MLIP: variants seen among roughly 807,000 people sequenced by gnomAD.
MLIP encodes the protein muscular LMNA interacting protein.
MLIP carries 79 observed loss-of-function variants against 84.8 expected under a neutral mutation model. The ratio of observed to expected loss-of-function variants is 0.93; its 90% CI spans 0.78 to 1.12. The LOEUF (loss-of-function observed/expected upper bound fraction) is 1.12, where lower values mean the gene tolerates loss of function less well. Ranked by LOEUF, MLIP falls within the 50% of genes most tolerant of loss-of-function variation. MLIP has a pLI of 0.00. For synonymous variants in MLIP, 504 were observed against 463.0 expected, an observed-to-expected ratio of 1.09 and a Z score of -1.14; for missense variants, 1,257 against 1,160.6, an observed-to-expected ratio of 1.08 and a Z score of -1.21.
intron 9 of MLIP, among the ~76,000 whole-genome samples, chr6:54,179,238 T>C (rs1562022781): frequency 2.6e-5 from 4 of 152,202 alleles, no homozygotes; most frequent in African/African-American, 4.8e-5. Context: ...TTGGTTTTCA[T>C]AGGCATGGAA....
chr6:54,024,756 T>C (rs1386689868), intron 1 of MLIP, among the ~76,000 whole-genome samples: 1 of 152,196 alleles, frequency 6.6e-6, no homozygotes, highest in Non-Finnish European at 1.5e-5. Flanking sequence ...TGGTAGCAAG[T>C]CTATAATTAT....
At chr6:54,250,256 T>C (rs12206177) in intron 12 of MLIP, among the ~76,000 whole-genome samples, 16,867 of 152,030 alleles carry the variant, frequency 0.11, 1,057 homozygotes, top group Non-Finnish European at 0.13. Flanking sequence ...TTATACACTG[T>C]TGGTGGGAGT....
intron 5 of MLIP, among the ~76,000 whole-genome samples, chr6:54,151,987 C>A (rs1773496634): frequency 6.6e-6 from 1 of 151,998 alleles, no homozygotes; most frequent in Admixed American, 6.6e-5. Flanking sequence ...TACTTCTGTT[C>A]TGTAATTTAT....
chr6:54,052,937 G>T (rs905986593), intron 1 of MLIP, among the ~76,000 whole-genome samples: 3 of 152,120 alleles, frequency 2.0e-5, no homozygotes, highest in African/African-American at 7.2e-5. Context: ...TTGTAAGAGG[G>T]AGATATGTGG....
rs566554353 is a variant in MLIP at position 54,161,877 on chromosome 6, ATATAT to A, written c.2499+1084_2499+1088del. Among the ~76,000 whole-genome samples, 1,004 of 152,038 alleles carry A rather than the reference ATATAT, an allele frequency of 6.6e-3. 8 individuals carry two copies. The highest frequency in any genetic ancestry group is 0.012 in the Admixed American group (181 of 15,218). On this transcript the variant is annotated intron_variant, in intron 8 of 13. Coordinates refer to ENST00000502396, the MANE Select transcript of MLIP (RefSeq NM_001281747.2). ...TTAATCTAAAACTTTGATTTGTCAA[ATATAT>A]TATATCAATTTTAAAATATATTTTT...
chr6:54,214,908 T>C lies in MLIP; in HGVS notation c.2718+12675T>C, dbSNP rs1028433240. Among the ~76,000 whole-genome samples, 4 of 152,186 alleles carry C rather than the reference T, an allele frequency of 2.6e-5. No homozygotes were observed. The South Asian group carries it at 8.3e-4, about 32-fold the overall frequency. ...GTGTTGCTACTTCTCTGTCTACTTA[T>C]CCCCCTTTCCTCTACACTTAATATT... On this transcript the variant is annotated intron_variant, in intron 11 of 13. Coordinates refer to ENST00000502396, the MANE Select transcript of MLIP (RefSeq NM_001281747.2).
intron 1 of MLIP, among the ~76,000 whole-genome samples, chr6:54,084,546 T>C (rs750309383): frequency 6.6e-6 from 1 of 152,178 alleles, no homozygotes; most frequent in Non-Finnish European, 1.5e-5. Flanking sequence ...GTGACTTAAT[T>C]GCTTTTCTAT....
At chr6:54,069,922 C>G (rs1468677852) in intron 1 of MLIP, among the ~76,000 whole-genome samples, 3 of 71,318 alleles carry the variant, frequency 4.2e-5, no homozygotes, top group African/African-American at 8.7e-5. Context: ...TGTAAAGTTA[C>G]AGTGAAAACA....
intron 1 of MLIP, among the ~76,000 whole-genome samples, chr6:54,061,467 A>C (rs1039037036): frequency 1.3e-5 from 2 of 152,206 alleles, no homozygotes; most frequent in African/African-American, 2.4e-5. Flanking sequence ...ATGCAGTAGT[A>C]TATGCCCTTC....
At chr6:54,157,752 T>C (rs1774184270) in intron 5 of MLIP, among the ~76,000 whole-genome samples, 1 of 152,114 alleles carries the variant, frequency 6.6e-6, no homozygotes, top group Non-Finnish European at 1.5e-5. Context: ...TTAAACCATC[T>C]GAACACCAGT....
At chr6:54,237,865 CAAAAT>C (rs1197974382) in intron 12 of MLIP, among the ~76,000 whole-genome samples, 1 of 151,848 alleles carries the variant, frequency 6.6e-6, no homozygotes, top group Non-Finnish European at 1.5e-5. Flanking sequence ...CAAACAAAAA[CAAAAT>C]AAAAGTCTTC....
intron 1 of MLIP, among the ~76,000 whole-genome samples, chr6:54,089,682 A>T (rs1256668249): frequency 1.3e-5 from 2 of 152,190 alleles, no homozygotes; most frequent in Non-Finnish European, 2.9e-5. Flanking sequence ...TGCCAAATAT[A>T]CGTGAAGAAT....
chr6:54,091,296 T>C (rs1767858308), intron 1 of MLIP, among the ~76,000 whole-genome samples: 1 of 152,158 alleles, frequency 6.6e-6, no homozygotes, highest in South Asian at 2.1e-4. Flanking sequence ...GCACCTTCCA[T>C]TCATAAAATT....
intron 9 of MLIP, among the ~76,000 whole-genome samples, chr6:54,189,024 T>TA (rs1301900585): frequency 1.3e-5 from 2 of 152,094 alleles, no homozygotes; most frequent in African/African-American, 2.4e-5. Flanking sequence ...GAGAACATGA[T>TA]AAAAACATTT....
chr6:54,108,961 C>A (rs1245235196), upstream of MLIP, among the ~76,000 whole-genome samples: 1 of 151,866 alleles, frequency 6.6e-6, no homozygotes, highest in Non-Finnish European at 1.5e-5. Flanking sequence ...GAGAACCACA[C>A]TAGAACTTTG....
At chr6:54,085,858 C>A (rs933167699) in intron 1 of MLIP, among the ~76,000 whole-genome samples, 4 of 152,156 alleles carry the variant, frequency 2.6e-5, no homozygotes, top group Non-Finnish European at 5.9e-5. Flanking sequence ...TTTCCCAGAG[C>A]AGTCTCATCA....
In MLIP at chr6:54,216,110, T is replaced by G; in HGVS notation, c.2718+13877T>G. 5 of 971,292 alleles carry G rather than the reference T, an allele frequency of 5.1e-6. No homozygotes were observed. In the South Asian group the frequency reaches 2.4e-4, roughly 46 times the overall value. The allele number at this position is 971,292 out of a possible 1,614,324, so 60.2% of individuals were successfully genotyped here. A position where few individuals can be genotyped will look rare whatever the true frequency, so the allele number is the denominator to read the frequency against. On this transcript the variant is annotated intron_variant, in intron 11 of 13. Transcript: ENST00000502396. ...TGTTGCCATATCTAATTGTTAAGAA[T>G]GATACTGCAATGGTTGAATGAAATA...
intron 9 of MLIP, among the ~76,000 whole-genome samples, chr6:54,174,856 T>C (rs2150611110): frequency 6.6e-6 from 1 of 152,150 alleles, no homozygotes; most frequent in South Asian, 2.1e-4. Context: ...TCTGATGTTC[T>C]CTTGTAGCAG....
intron 11 of MLIP, among the ~76,000 whole-genome samples, chr6:54,228,838 C>T (rs1780785223): frequency 6.6e-6 from 1 of 152,214 alleles, no homozygotes; most frequent in African/African-American, 2.4e-5. Context: ...CTGTCCTTTT[C>T]TCACATAGTT....
Sources: gnomAD v4.1 joint callset for allele counts (sites outside exome capture counted in the v4.1 genomes callset) on GRCh38, gnomAD v4.1.1 for gene constraint, MANE v1.5 for transcripts, NCBI Gene and HGNC (gene_info 2026-07-23, HGNC 2026-07-21) for gene names.